Variants in CEP83 observed in about 807,000 individuals in gnomAD.
CEP83 encodes the protein centrosomal protein of 83 kDa.
A neutral mutation model predicts 101.9 loss-of-function variants in CEP83; 70 were observed. That is an observed-to-expected ratio of 0.69 (90% CI 0.57 to 0.84). The LOEUF is 0.84. Ranked by LOEUF, CEP83 falls within the 40% of genes least tolerant of loss-of-function variation. The pLI is 0.00. For synonymous variants in CEP83, 264 were observed against 267.9 expected, an observed-to-expected ratio of 0.99 and a Z score of 0.14; for missense variants, 715 against 787.2, an observed-to-expected ratio of 0.91 and a Z score of 1.10.
chr12:94,291,737 A>G, the CEP83 span, among the ~76,000 whole-genome samples: 2 of 152,174 alleles, frequency 1.3e-5, no homozygotes, highest in African/African-American at 2.4e-5. Flanking sequence ...CGATCTGTCT[A>G]TATAAATTTG....
At chr12:94,420,749 C>T (rs1276286953) in intron 2 of CEP83, among the ~76,000 whole-genome samples, 2 of 151,804 alleles carry the variant, frequency 1.3e-5, no homozygotes, top group Non-Finnish European at 2.9e-5. Context: ...ACATATTGTC[C>T]AGAAGAAGCC....
Position 94,402,402 on chromosome 12 carries a change from T to C in CEP83, c.417+768A>G, listed in dbSNP as rs1043897849. On this transcript the variant is annotated intron_variant, in intron 5 of 16. Transcript: ENST00000397809. ...ATTATACAGCACAGTAGAAGGTATG[T>C]ATACCAGAAAAAAAAATAAAAAACA... 2.6e-5 allele frequency: 4 copies of C among 152,008 alleles called. No individual in the cohort carries two copies. In the East Asian group the frequency reaches 7.7e-4, roughly 29 times the overall value. 9.4% of individuals were successfully genotyped at this position (152,008 alleles called of 1,614,324 possible).
the CEP83 span, among the ~76,000 whole-genome samples, chr12:94,295,899 C>T: frequency 7.9e-5 from 12 of 152,332 alleles, no homozygotes; most frequent in African/African-American, 2.9e-4. Context: ...CTTCACCCTG[C>T]ACTCTTTACA....
intron 2 of CEP83, chr12:94,423,838 C>G: frequency 2.5e-6 from 4 of 1,613,378 alleles, no homozygotes. Flanking sequence ...GACTGAAACA[C>G]TGGAAGGAAG....
At chr12:94,360,562 A>G (rs1032398255) in intron 11 of CEP83, among the ~76,000 whole-genome samples, 5 of 152,050 alleles carry the variant, frequency 3.3e-5, no homozygotes, top group African/African-American at 4.8e-5. Context: ...GAGGTAAAAG[A>G]TCTCTAAAAG....
At chr12:94,337,299 T>C (rs899455690) in intron 11 of CEP83, among the ~76,000 whole-genome samples, 1 of 152,150 alleles carries the variant, frequency 6.6e-6, no homozygotes, top group African/African-American at 2.4e-5. Flanking sequence ...ATGAACTAAG[T>C]AAGAGCACCA....
intron 14 of CEP83, among the ~76,000 whole-genome samples, chr12:94,325,453 G>A (rs76412589): frequency 3.9e-5 from 6 of 151,908 alleles, no homozygotes; most frequent in African/African-American, 1.5e-4. Flanking sequence ...GATTACAGGC[G>A]TGAGTCACCG....
intron 6 of CEP83, among the ~76,000 whole-genome samples, chr12:94,391,323 C>T (rs1273799296): frequency 6.6e-6 from 1 of 152,172 alleles, no homozygotes; most frequent in East Asian, 1.9e-4. Context: ...GGCCAATATT[C>T]AACATTCTTA....
chr12:94,390,379 G>C (rs1410598565), intron 6 of CEP83, among the ~76,000 whole-genome samples: 1 of 152,188 alleles, frequency 6.6e-6, no homozygotes, highest in African/African-American at 2.4e-5. Context: ...CTGCAGCTGA[G>C]GGAACTGACT....
At position 94,393,018 on chromosome 12, in the gene CEP83, T is replaced by C. The variant is rs182824886; in HGVS notation, c.549+7832A>G. ...CAACCAAAAAAAGTCCAGGACCAGATGGATTCACAGCTGAATTCTACCAGA... is the reference window on the plus strand; with the variant it reads ...CAACCAAAAAAAGTCCAGGACCAGACGGATTCACAGCTGAATTCTACCAGA... On this transcript the variant is annotated intron_variant, in intron 6 of 16. Transcript: ENST00000397809. Among the ~76,000 whole-genome samples the C allele has an allele frequency of 4.0e-3, 615 of 152,236 alleles. 3 individuals carry two copies. Among genetic ancestry groups the C allele is most frequent in the Non-Finnish European group, 6.7e-3 (457 of 68,012 alleles).
intron 11 of CEP83, among the ~76,000 whole-genome samples, chr12:94,346,924 G>A (rs540348209): frequency 2.0e-5 from 3 of 152,230 alleles, no homozygotes; most frequent in African/African-American, 7.2e-5. Flanking sequence ...TGTAGTCCCA[G>A]CTACTCAGGA....
intron 14 of CEP83, chr12:94,328,395 AG>A (rs2059063971): frequency 2.3e-5 from 4 of 176,280 alleles, no homozygotes; most frequent in Middle Eastern, 5.0e-4. Context: ...TGTGCTCAGG[AG>A]CTTGGAGCTC....
At chr12:94,396,073 CATTG>C (rs974732858) in intron 6 of CEP83, among the ~76,000 whole-genome samples, 1 of 152,060 alleles carries the variant, frequency 6.6e-6, no homozygotes, top group African/African-American at 2.4e-5. Flanking sequence ...ACTGAATTAC[CATTG>C]ATTATTTCAC....
intron 14 of CEP83, 31 bp from the exon 15 acceptor site, chr12:94,313,048 A>G: frequency 1.0e-6 from 1 of 957,790 alleles, no homozygotes; most frequent in Non-Finnish European, 1.6e-6. Flanking sequence ...AAGTATGTTA[A>G]TACATAATCT....
At chr12:94,358,543 T>C (rs533244620) in intron 11 of CEP83, among the ~76,000 whole-genome samples, 1 of 152,296 alleles carries the variant, frequency 6.6e-6, no homozygotes, top group South Asian at 2.1e-4. Flanking sequence ...TTTAGAGAAA[T>C]TAGTTGCTGA....
chr12:94,297,082 G>GT, the CEP83 span: 49 of 1,059,886 alleles, frequency 4.6e-5, no homozygotes, highest in Non-Finnish European at 6.6e-5. Context: ...AAAAGCTCAA[G>GT]TAACTTCAGT....
the CEP83 span, chr12:94,282,032 G>T: frequency 1.2e-5 from 4 of 345,546 alleles, no homozygotes; most frequent in Admixed American, 1.8e-4. Context: ...GAGCTTAGTC[G>T]TCCCTCATAG....
the CEP83 span, chr12:94,301,073 AG>A: frequency 1.2e-6 from 2 of 1,612,210 alleles, no homozygotes. Context: ...GCCCAGCTTG[AG>A]TATTTCTTGT....
chr12:94,460,351 C>T (rs2068055295), upstream of CEP83: 1 of 152,762 alleles, frequency 6.5e-6, no homozygotes, highest in Non-Finnish European at 1.5e-5. Flanking sequence ...AGTCCTGCCG[C>T]CACCTCTCTC....
Sources: allele counts gnomAD v4.1 joint callset (sites outside exome capture counted in the v4.1 genomes callset), GRCh38; gene constraint gnomAD v4.1.1; transcripts MANE v1.5; gene names NCBI Gene and HGNC (gene_info 2026-07-23, HGNC 2026-07-21).